The following ENPP3 variants were observed in gnomAD, a reference collection of about 807,000 sequenced individuals.
ENPP3 encodes the protein ectonucleotide pyrophosphatase/phosphodiesterase family member 3.
ENPP3 carries 104 observed loss-of-function variants against 117.8 expected under a neutral mutation model. That is an observed-to-expected ratio of 0.88 (90% CI 0.75 to 1.04). The LOEUF (loss-of-function observed/expected upper bound fraction) is 1.04, where lower values mean the gene tolerates loss of function less well. Ranked by LOEUF, ENPP3 falls within the 50% of genes least tolerant of loss-of-function variation. ENPP3 has a pLI of 0.00. For missense variants in ENPP3, 1,026 were observed against 1,051.9 expected (o/e 0.98, Z 0.34); for synonymous variants, 380 against 349.9 (o/e 1.09, Z -0.96).
At chr6:131,640,235 G>C (rs1385966651) in intron 1 of ENPP3, among the ~76,000 whole-genome samples, 1 of 152,166 alleles carries the variant, frequency 6.6e-6, no homozygotes, top group Non-Finnish European at 1.5e-5. Flanking sequence ...TTACCAGAAG[G>C]AGTTCCCCAA....
At chr6:131,722,529 T>TTCCGCCTTGG in intron 18 of ENPP3, 124 bp downstream of exon 18, 2 of 720,334 alleles carry the variant, frequency 2.8e-6, no homozygotes, top group East Asian at 5.1e-5. Flanking sequence ...ACTTAGTAAA[T>TTCCGCCTTGG]ATATGTGGTT....
At chr6:131,733,836 C>T in intron 21 of ENPP3, 113 bp downstream of exon 21, 2 of 1,126,940 alleles carry the variant, frequency 1.8e-6, no homozygotes, top group South Asian at 3.0e-5. Context: ...GGTAAGCTAG[C>T]TGCCTGAGAG....
chr6:131,726,335 T>G, intron 20 of ENPP3, 135 bp downstream of exon 20: 1 of 688,468 alleles, frequency 1.5e-6, no homozygotes, highest in Non-Finnish European at 2.4e-6. Context: ...CAAGACAATG[T>G]GCAAGTATTA....
intron 11 of ENPP3, among the ~76,000 whole-genome samples, chr6:131,678,542 TC>T (rs1193552660): frequency 6.6e-6 from 1 of 152,202 alleles, no homozygotes; most frequent in Non-Finnish European, 1.5e-5. Context: ...TCTTCTAAAC[TC>T]CGCTAAAGCC....
intron 2 of ENPP3, 119 bp downstream of exon 2, chr6:131,641,649 C>A: frequency 1.6e-6 from 1 of 620,124 alleles, no homozygotes; most frequent in South Asian, 2.0e-5. Context: ...CATTCTGCTT[C>A]TAGACATCTC....
At chr6:131,685,238 C>T (rs554385708) in intron 12 of ENPP3, 126 bp from the exon 13 acceptor site, 53 of 845,084 alleles carry the variant, frequency 6.3e-5, no homozygotes, top group African/African-American at 8.5e-5. Flanking sequence ...GGGTGAATTG[C>T]GTAAATTCTC....
At chr6:131,661,241 A>G (rs921437190) in intron 6 of ENPP3, among the ~76,000 whole-genome samples, 1 of 152,128 alleles carries the variant, frequency 6.6e-6, no homozygotes, top group Non-Finnish European at 1.5e-5. Flanking sequence ...TGGATACTCA[A>G]AAGTGGAATT....
chr6:131,720,170 T>A (rs572436929), intron 16 of ENPP3, 122 bp from the exon 17 acceptor site: 7 of 562,316 alleles, frequency 1.2e-5, no homozygotes, highest in African/African-American at 9.6e-5. Flanking sequence ...TAAAAAAAAA[T>A]TCCTTACAGA....
At position 131,737,379 on chromosome 6, in the gene ENPP3, A is replaced by G; in HGVS notation, c.2114A>G (p.Gln705Arg). The change falls in exon 22 of 25, where the codon CAA becomes CGA. Residue 705 changes from glutamine (Q) to arginine (R), a missense_variant. Coordinates refer to ENST00000357639, the MANE Select transcript of ENPP3 (RefSeq NM_005021.5). ...PPASNRTSDS[Q>R]YDALITSNLV... Reference sequence around the variant, plus strand: ...GCCAGCAATAGAACATCAGATAGCCAATATGATGCTTTAATTACTAGCAAT... The same window carrying G: ...GCCAGCAATAGAACATCAGATAGCCGATATGATGCTTTAATTACTAGCAAT... The G allele has an allele frequency of 6.2e-7, 1 of 1,609,174 alleles. No homozygotes were observed. The highest frequency in any genetic ancestry group is 8.5e-7 in the Non-Finnish European group (1 of 1,176,446).
chr6:131,680,217 G>C (rs1778995289), intron 11 of ENPP3, among the ~76,000 whole-genome samples: 2 of 152,152 alleles, frequency 1.3e-5, no homozygotes, highest in Admixed American at 6.6e-5. Flanking sequence ...ATTGTGGATG[G>C]AAGAAGATAT....
intron 12 of ENPP3, 142 bp from the exon 13 acceptor site, chr6:131,685,221 AG>A (rs2114425882): frequency 1.4e-6 from 1 of 704,186 alleles, no homozygotes; most frequent in South Asian, 1.9e-5. Flanking sequence ...GCCAGAGTAG[AG>A]TAATAGGGTG....
intron 20 of ENPP3, among the ~76,000 whole-genome samples, chr6:131,727,081 G>A (rs1470223154): frequency 6.6e-6 from 1 of 152,156 alleles, no homozygotes; most frequent in Non-Finnish European, 1.5e-5. Flanking sequence ...CAATATATCT[G>A]CATTGCATAT....
Position 131,720,314 on chromosome 6 carries a change from C to A in ENPP3, c.1502C>A (p.Pro501His). The A allele has an allele frequency of 1.9e-6, 3 of 1,594,866 alleles. No homozygotes were observed. Among genetic ancestry groups the A allele is most frequent in the Non-Finnish European group, 2.6e-6 (3 of 1,168,210 alleles). ...TAGGCTATCTTTCTGGCACATGGAC[C>A]CAGTTTTAAAGAGAAGACTGAAGTT... ...SMEAIFLAHG[P>H]SFKEKTEVEP... The change falls in exon 17 of 25, where the codon CCC becomes CAC. Residue 501 changes from proline to histidine, a missense_variant. Physicochemically the swap from Pro to His is moderately conservative, Grantham distance 77. Coordinates refer to ENST00000357639, the MANE Select transcript of ENPP3 (RefSeq NM_005021.5).
At chr6:131,648,118 AT>A (rs1778187805) in intron 2 of ENPP3, among the ~76,000 whole-genome samples, 1 of 151,884 alleles carries the variant, frequency 6.6e-6, no homozygotes, top group Non-Finnish European at 1.5e-5. Context: ...TTAGTAAAAA[AT>A]GATCATATTT....
At chr6:131,684,910 G>T (rs959879508) in intron 12 of ENPP3, among the ~76,000 whole-genome samples, 5 of 151,798 alleles carry the variant, frequency 3.3e-5, no homozygotes, top group African/African-American at 9.7e-5. Context: ...TTAGCCTCTC[G>T]AGTAAATGGG....
At chr6:131,678,905 C>CTCTCTTTCTT (rs1778931568) in intron 11 of ENPP3, among the ~76,000 whole-genome samples, 1 of 143,634 alleles carries the variant, frequency 7.0e-6, no homozygotes, top group Non-Finnish European at 1.5e-5. Flanking sequence ...TTCTTTCTTT[C>CTCTCTTTCTT]TCTCTTTCTT....
chr6:131,741,255 A>G (rs1189158361), intron 24 of ENPP3, among the ~76,000 whole-genome samples: 1 of 152,206 alleles, frequency 6.6e-6, no homozygotes, highest in Non-Finnish European at 1.5e-5. Flanking sequence ...AGCACATAGT[A>G]TCATGATAGA....
intron 15 of ENPP3, among the ~76,000 whole-genome samples, chr6:131,694,969 C>G (rs891151456): frequency 6.6e-6 from 1 of 151,094 alleles, no homozygotes; most frequent in Non-Finnish European, 1.5e-5. Flanking sequence ...TAAGCCTATT[C>G]TGTAAGATAA....
At chr6:131,670,554 G>T (rs894110732) in intron 6 of ENPP3, among the ~76,000 whole-genome samples, 1 of 152,056 alleles carries the variant, frequency 6.6e-6, no homozygotes, top group Admixed American at 6.6e-5. Context: ...GCAGTGGTGC[G>T]ATGACAGCTC....
Sources: gnomAD v4.1 joint callset for allele counts (sites outside exome capture counted in the v4.1 genomes callset) on GRCh38, gnomAD v4.1.1 for gene constraint, MANE v1.5 for transcripts, NCBI Gene and HGNC (gene_info 2026-07-23, HGNC 2026-07-21) for gene names.